RBFOX1: variants seen among roughly 807,000 people sequenced by gnomAD.
The protein encoded by RBFOX1 is RNA binding protein fox-1 homolog 1.
In RBFOX1, 8 loss-of-function variants were observed where a neutral mutation model predicts 57.7. The observed-to-expected ratio is 0.14, with a 90% CI of 0.08 to 0.25. The LOEUF (loss-of-function observed/expected upper bound fraction) is 0.25, where lower values mean the gene tolerates loss of function less well. Among genes scored for constraint, RBFOX1 ranks in the 10% least tolerant of loss-of-function variants. The pLI is 1.00. For missense variants in RBFOX1, 611 were observed against 548.5 expected (o/e 1.11, Z -1.14); for synonymous variants, 326 against 222.4 (o/e 1.47, Z -4.15).
chr16:7,565,855 G>A (rs1393776594), intron 5 of RBFOX1, among the ~76,000 whole-genome samples: 6 of 152,142 alleles, frequency 3.9e-5, no homozygotes, highest in Admixed American at 3.9e-4. Flanking sequence ...ATAGTCAGTA[G>A]GCTGACTGTG....
Position 5,849,202 on chromosome 16 carries a change from A to T in RBFOX1, c.319-18101A>T, listed in dbSNP as rs142480214. Among the ~76,000 whole-genome samples the T allele has an allele frequency of 4.6e-3, 693 of 152,122 alleles. 8 individuals are homozygous for T. The highest frequency in any genetic ancestry group is 0.015 in the African/African-American group (643 of 41,502). ...TTCATGGCCTTCAAGCAAATGCATT[A>T]ACTCATATTTCTAATTTTATTTTCC... On this transcript the variant is annotated intron_variant, in intron 3 of 19. Transcript: ENST00000641259.
intron 1 of RBFOX1, among the ~76,000 whole-genome samples, chr16:5,337,143 GACAGA>G (rs1055212072): frequency 1.3e-5 from 2 of 152,198 alleles, no homozygotes; most frequent in African/African-American, 4.8e-5. Context: ...CTGGGATTTA[GACAGA>G]GCACATGGCT....
At chr16:6,231,998 G>A (rs909980317) in intron 1 of RBFOX1, among the ~76,000 whole-genome samples, 4 of 152,120 alleles carry the variant, frequency 2.6e-5, no homozygotes, top group Admixed American at 1.3e-4. Context: ...TACTTCCCTC[G>A]TTTGCAATAT....
intron 1 of RBFOX1, among the ~76,000 whole-genome samples, chr16:6,266,136 C>T (rs910189903): frequency 6.6e-6 from 1 of 152,192 alleles, no homozygotes; most frequent in Non-Finnish European, 1.5e-5. Flanking sequence ...TCTGACTCAA[C>T]TTATTCTCTT....
At chr16:7,216,732 C>T (rs566549588) in intron 4 of RBFOX1, among the ~76,000 whole-genome samples, 72 of 152,196 alleles carry the variant, frequency 4.7e-4, no homozygotes, top group Admixed American at 1.5e-3. Context: ...ATGTAATTAG[C>T]ACTCCAGAAG....
In RBFOX1 at chr16:7,164,762, T is replaced by C. The variant is rs566802923; in HGVS notation, c.27+112664T>C. On this transcript the variant is annotated intron_variant, in intron 4 of 15. Coordinates refer to ENST00000550418, the MANE Select transcript of RBFOX1 (RefSeq NM_018723.4). ...TTGTTAAGGTGGTATTATAATTTAA[T>C]CAAAAATCCACCTTCTGATCAACTA... Among the ~76,000 whole-genome samples the C allele has an allele frequency of 3.6e-3, 554 of 152,348 alleles. 4 individuals are homozygous for C. Among genetic ancestry groups the C allele is most frequent in the South Asian group, 0.01 (49 of 4,830 alleles).
intron 1 of RBFOX1, among the ~76,000 whole-genome samples, chr16:6,287,976 G>A (rs4274444): frequency 0.97 from 148,356 of 152,214 alleles, 72,418 homozygotes; most frequent in East Asian, 1. Flanking sequence ...AGTGTTAAGC[G>A]TTGGTGCATT....
chr16:6,558,989 C>G (rs2097142656), intron 2 of RBFOX1, among the ~76,000 whole-genome samples: 1 of 152,124 alleles, frequency 6.6e-6, no homozygotes, highest in South Asian at 2.1e-4. Context: ...GCCGCTTCCT[C>G]CAGGAAAGTC....
intron 3 of RBFOX1, among the ~76,000 whole-genome samples, chr16:6,662,104 T>G (rs2098705013): frequency 7.1e-6 from 1 of 141,764 alleles, no homozygotes; most frequent in Non-Finnish European, 1.5e-5. Context: ...AAGCAGAGAG[T>G]AGGATGGTGG....
chr16:7,462,843 G>A (rs1034177402), intron 4 of RBFOX1, among the ~76,000 whole-genome samples: 2 of 152,148 alleles, frequency 1.3e-5, no homozygotes, highest in African/African-American at 4.8e-5. Context: ...ATCTCTCCAT[G>A]TTTCTCTTTT....
chr16:6,974,185 G>A (rs937880311), intron 3 of RBFOX1, among the ~76,000 whole-genome samples: 1 of 151,956 alleles, frequency 6.6e-6, no homozygotes, highest in South Asian at 2.1e-4. Flanking sequence ...TATCATTGCT[G>A]AGCATTTGTT....
At chr16:7,171,267 A>T (rs912907451) in intron 4 of RBFOX1, among the ~76,000 whole-genome samples, 1 of 152,040 alleles carries the variant, frequency 6.6e-6, no homozygotes, top group Non-Finnish European at 1.5e-5. Flanking sequence ...AGTCCTTGAA[A>T]CCCCAATTTC....
intron 3 of RBFOX1, among the ~76,000 whole-genome samples, chr16:6,869,048 C>A (rs7188996): frequency 6.6e-6 from 1 of 152,140 alleles, no homozygotes; most frequent in African/African-American, 2.4e-5. Context: ...GCACATGGTA[C>A]GAATGAGAAA....
intron 4 of RBFOX1, among the ~76,000 whole-genome samples, chr16:7,063,369 C>T (rs1456050574): frequency 1.3e-5 from 2 of 152,080 alleles, no homozygotes; most frequent in Non-Finnish European, 2.9e-5. Context: ...ATATCAGTAT[C>T]AGAGGAACTT....
rs1169618857 is a variant in RBFOX1, at chr16:5,947,644, A to G, written c.351+80309A>G. Among the ~76,000 whole-genome samples, 2 of 152,120 alleles carry G rather than the reference A, an allele frequency of 1.3e-5. No homozygotes were observed. Among genetic ancestry groups the G allele is most frequent in the East Asian group, 1.9e-4 (1 of 5,172 alleles). On this transcript the variant is annotated intron_variant, in intron 4 of 19. Coordinates refer to the RBFOX1 transcript ENST00000641259. The surrounding 1 kb of genome is among the most constrained non-coding windows in gnomAD (Gnocchi z 7.2). ...TGACCCTTCGATTTTAGGTATTTTTATGGCATCCCTTACCATCTTCCTTCT... is the reference window on the plus strand; with the variant it reads ...TGACCCTTCGATTTTAGGTATTTTTGTGGCATCCCTTACCATCTTCCTTCT...
At chr16:6,305,554 T>C (rs1380206344) in intron 1 of RBFOX1, among the ~76,000 whole-genome samples, 1 of 151,862 alleles carries the variant, frequency 6.6e-6, no homozygotes, top group Non-Finnish European at 1.5e-5. Flanking sequence ...TCCATCACTT[T>C]TACCTGTGTC....
At position 5,700,475 on chromosome 16, in the gene RBFOX1, C is replaced by T. The variant is rs541644354; in HGVS notation, c.318+101514C>T. Among the ~76,000 whole-genome samples, 53 of 152,248 alleles carry T rather than the reference C, an allele frequency of 3.5e-4. No homozygotes were observed. In the South Asian group the frequency reaches 8.1e-3, roughly 23 times the overall value. On this transcript the variant is annotated intron_variant, in intron 3 of 19. Transcript: ENST00000641259. The stretch of plus-strand genomic sequence containing the variant: ...TCATGAAAGCGTTTCATGAAGTCTA[C>T]GTGTCTTTCTTTATAGGCAATAATA...
chr16:6,710,271 G>C (rs993163205), intron 3 of RBFOX1, among the ~76,000 whole-genome samples: 6 of 152,134 alleles, frequency 3.9e-5, no homozygotes, highest in African/African-American at 1.4e-4. Context: ...GCATTGTCTA[G>C]AAGAACATGA....
chr16:7,517,087 A>G (rs1358216759), intron 4 of RBFOX1, among the ~76,000 whole-genome samples: 1 of 150,384 alleles, frequency 6.6e-6, no homozygotes, highest in Non-Finnish European at 1.5e-5. Flanking sequence ...GTGTGATCCC[A>G]TCTCCTGAGA....
Sources: allele counts gnomAD v4.1 joint callset (sites outside exome capture counted in the v4.1 genomes callset), GRCh38; gene constraint gnomAD v4.1.1; non-coding constraint Gnocchi (gnomAD v3.1); transcripts MANE v1.5; gene names NCBI Gene and HGNC (gene_info 2026-07-23, HGNC 2026-07-21).